DGLUCY: variants seen among roughly 807,000 people sequenced by gnomAD.
DGLUCY encodes the protein D-glutamate cyclase.
A neutral mutation model predicts 58.5 loss-of-function variants in DGLUCY; 58 were observed. That is an observed-to-expected ratio of 0.99 (90% CI 0.80 to 1.23). The LOEUF (loss-of-function observed/expected upper bound fraction) is 1.23. DGLUCY is among the 50% of genes most tolerant of loss of function. The pLI, the probability that DGLUCY is intolerant of heterozygous loss-of-function variation, is 0.00. For synonymous variants in DGLUCY, 325 were observed against 314.1 expected (o/e 1.03, Z -0.37); for missense variants, 779 against 784.7 (o/e 0.99, Z 0.09).
At chr14:91,205,486 A>G (rs1030533016) in intron 12 of DGLUCY, among the ~76,000 whole-genome samples, 7 of 152,120 alleles carry the variant, frequency 4.6e-5, no homozygotes, top group Non-Finnish European at 7.4e-5. Context: ...CTTCATGATC[A>G]TAGCCTGGAA....
At chr14:91,221,552 G>A (rs560757608) in intron 13 of DGLUCY, among the ~76,000 whole-genome samples, 1 of 152,052 alleles carries the variant, frequency 6.6e-6, no homozygotes, top group Admixed American at 6.5e-5. Flanking sequence ...TGGATGGAGG[G>A]ATGGAGGGAT....
At chr14:91,195,109 A>G (rs1274677142) in intron 9 of DGLUCY, among the ~76,000 whole-genome samples, 1 of 152,158 alleles carries the variant, frequency 6.6e-6, no homozygotes, top group East Asian at 1.9e-4. Context: ...AGCTCCTCCA[A>G]GGCTACCTTG....
At chr14:91,176,212 T>C (rs8017906) in intron 7 of DGLUCY, among the ~76,000 whole-genome samples, 156 bp downstream of exon 7, 5,673 of 152,264 alleles carry the variant, frequency 0.037, 359 homozygotes, top group African/African-American at 0.13. Flanking sequence ...AATCTCTCTC[T>C]GGTTTCCTTC....
At chr14:91,194,984 G>A (rs890827897) in intron 9 of DGLUCY, among the ~76,000 whole-genome samples, 1 of 152,204 alleles carries the variant, frequency 6.6e-6, no homozygotes, top group African/African-American at 2.4e-5. Context: ...GCCGCTGTCT[G>A]GAAGCTGCAT....
chr14:91,184,623 G>GTT, intron 8 of DGLUCY, among the ~76,000 whole-genome samples: 1 of 107,686 alleles, frequency 9.3e-6, no homozygotes, highest in African/African-American at 4.0e-5. Flanking sequence ...CTGGAAGGAA[G>GTT]GAAGGAAGGA....
At chr14:91,077,110 G>GGT (rs1404612420) in intron 1 of DGLUCY, among the ~76,000 whole-genome samples, 1 of 151,988 alleles carries the variant, frequency 6.6e-6, no homozygotes, top group Non-Finnish European at 1.5e-5. Context: ...CAGGTGTGGT[G>GGT]GTGTGTGTGC....
At chr14:91,077,185 G>T (rs997441265) in intron 1 of DGLUCY, among the ~76,000 whole-genome samples, 2 of 151,820 alleles carry the variant, frequency 1.3e-5, no homozygotes, top group Non-Finnish European at 2.9e-5. Context: ...GGTGAAGGTC[G>T]CAGTGAGCCG....
At chr14:91,159,256 G>C (rs1388459278) in intron 2 of DGLUCY, among the ~76,000 whole-genome samples, 1 of 152,092 alleles carries the variant, frequency 6.6e-6, no homozygotes, top group Non-Finnish European at 1.5e-5. Flanking sequence ...AGACCAGCCT[G>C]GTCAACAAGG....
chr14:91,102,287 A>G (rs1053389893), intron 1 of DGLUCY, among the ~76,000 whole-genome samples: 2 of 152,086 alleles, frequency 1.3e-5, no homozygotes, highest in African/African-American at 4.8e-5. Context: ...GGAATGTCTT[A>G]CTCCTAAGTT....
At chr14:91,098,881 C>T (rs1011274910) in intron 1 of DGLUCY, among the ~76,000 whole-genome samples, 1 of 152,172 alleles carries the variant, frequency 6.6e-6, no homozygotes. Flanking sequence ...TTAATGAATG[C>T]TTAGCAAGTA....
At chr14:91,157,175 A>G (rs530460389) in intron 1 of DGLUCY, among the ~76,000 whole-genome samples, 54 of 140,226 alleles carry the variant, frequency 3.9e-4, no homozygotes, top group African/African-American at 1.3e-3. Context: ...GGATGGATAG[A>G]TGGATGGATG....
chr14:91,184,550 T>TGAAAGAAAGAAAGAAAGAAA (rs367861135), intron 8 of DGLUCY, among the ~76,000 whole-genome samples: 7 of 95,630 alleles, frequency 7.3e-5, no homozygotes, highest in African/African-American at 3.2e-4. Flanking sequence ...CAATACCCTG[T>TGAAAGAAAGAAAGAAAGAAA]GAAAGAAAGA....
At chr14:91,110,559 T>C (rs899581618), upstream of DGLUCY, among the ~76,000 whole-genome samples, 3 of 151,792 alleles carry the variant, frequency 2.0e-5, no homozygotes, top group Admixed American at 2.0e-4. Context: ...GCCTCCCTGG[T>C]AGCTGGGACT....
chr14:91,112,569 CTTTCACT>C (rs2044723888), upstream of DGLUCY, among the ~76,000 whole-genome samples: 1 of 152,062 alleles, frequency 6.6e-6, no homozygotes, highest in East Asian at 1.9e-4. Context: ...TAAAAGAGAT[CTTTCACT>C]TTTCACTTTA....
At chr14:91,221,608 A>T (rs1467760255) in intron 13 of DGLUCY, among the ~76,000 whole-genome samples, 2 of 151,962 alleles carry the variant, frequency 1.3e-5, no homozygotes, top group Non-Finnish European at 2.9e-5. Flanking sequence ...GCATGGATGG[A>T]TGGATAGATG....
At chr14:91,202,781 A>G (rs965631286) in intron 11 of DGLUCY, among the ~76,000 whole-genome samples, 1 of 152,174 alleles carries the variant, frequency 6.6e-6, no homozygotes, top group African/African-American at 2.4e-5. Flanking sequence ...CTGAGATCCC[A>G]GAGGAGGCAG....
intron 13 of DGLUCY, chr14:91,220,755 A>G (rs1405933409): frequency 2.3e-6 from 1 of 440,688 alleles, no homozygotes; most frequent in Non-Finnish European, 4.6e-6. Flanking sequence ...CCTCAGCACC[A>G]TGTTCCCGCC....
At chr14:91,171,728 C>T (rs142901419) in intron 5 of DGLUCY, among the ~76,000 whole-genome samples, 1 of 152,224 alleles carries the variant, frequency 6.6e-6, no homozygotes, top group Non-Finnish European at 1.5e-5. Context: ...ATTGCAGGCA[C>T]CAGAAACCAT....
At chr14:91,176,277 G>T (rs989719700) in intron 7 of DGLUCY, among the ~76,000 whole-genome samples, 1 of 152,042 alleles carries the variant, frequency 6.6e-6, no homozygotes, top group South Asian at 2.1e-4. Flanking sequence ...CCAGGCTAGA[G>T]TGCTGTGGTG....
Sources: gnomAD v4.1 joint callset for allele counts (sites outside exome capture counted in the v4.1 genomes callset) on GRCh38, gnomAD v4.1.1 for gene constraint, MANE v1.5 for transcripts, NCBI Gene and HGNC (gene_info 2026-07-23, HGNC 2026-07-21) for gene names.